NRXN3: variants seen among roughly 807,000 people sequenced by gnomAD.
NRXN3 encodes neurexin 3, also known as neurexin III.
Under a neutral mutation model 137.6 loss-of-function variants are expected in NRXN3, and 32 were observed. That is an observed-to-expected ratio of 0.23 (90% CI 0.18 to 0.31). The LOEUF is 0.31. Ranked by LOEUF, NRXN3 falls within the 10% of genes least tolerant of loss-of-function variation. The pLI is 1.00. For missense variants in NRXN3, 1,574 were observed against 2,062.5 expected (o/e 0.76, Z 4.59); for synonymous variants, 798 against 784.5 (o/e 1.02, Z -0.29).
chr14:78,455,422 A>G (rs1486155233), intron 4 of NRXN3, among the ~76,000 whole-genome samples: 1 of 152,198 alleles, frequency 6.6e-6, no homozygotes, highest in Admixed American at 6.5e-5. Flanking sequence ...TGATCTGTGC[A>G]GGAGGAACCT....
At chr14:78,250,619 A>G (rs142691076) in intron 2 of NRXN3, among the ~76,000 whole-genome samples, 124 of 152,352 alleles carry the variant, frequency 8.1e-4, no homozygotes, top group African/African-American at 2.8e-3. Flanking sequence ...TTCTGGCCTC[A>G]GCAGCCACCC....
chr14:79,533,996 C>T (rs1281169346), intron 16 of NRXN3, among the ~76,000 whole-genome samples: 1 of 152,218 alleles, frequency 6.6e-6, no homozygotes, highest in African/African-American at 2.4e-5. Flanking sequence ...TTTGAATACA[C>T]TTTTTTCTCT....
chr14:79,522,746 T>G (rs1273241035), intron 16 of NRXN3, among the ~76,000 whole-genome samples: 1 of 152,170 alleles, frequency 6.6e-6, no homozygotes, highest in Non-Finnish European at 1.5e-5. Context: ...AGTTTCAAGC[T>G]ACTTTTTGGG....
chr14:79,083,441 G>A (rs2047449489), intron 15 of NRXN3, among the ~76,000 whole-genome samples: 1 of 152,156 alleles, frequency 6.6e-6, no homozygotes, highest in African/African-American at 2.4e-5. Context: ...AAGAAGGAAG[G>A]AAACTTATAT....
intron 15 of NRXN3, among the ~76,000 whole-genome samples, chr14:79,053,516 G>GT (rs1418242011): frequency 6.6e-6 from 1 of 152,120 alleles, no homozygotes; most frequent in African/African-American, 2.4e-5. Flanking sequence ...CAAAAGAAAG[G>GT]TTGTTAGAGC....
At chr14:79,026,034 C>G (rs1439955406) in intron 15 of NRXN3, among the ~76,000 whole-genome samples, 1 of 152,080 alleles carries the variant, frequency 6.6e-6, no homozygotes, top group East Asian at 1.9e-4. Context: ...GTCAGAATTA[C>G]ATAACATGTT....
At chr14:79,131,001 A>G (rs2057383877) in intron 15 of NRXN3, among the ~76,000 whole-genome samples, 2 of 152,104 alleles carry the variant, frequency 1.3e-5, no homozygotes, top group Non-Finnish European at 2.9e-5. Flanking sequence ...TTCTTCACGT[A>G]GTTCTCGAGC....
chr14:78,629,518 G>A (rs928176385), intron 4 of NRXN3, among the ~76,000 whole-genome samples: 5 of 152,202 alleles, frequency 3.3e-5, no homozygotes, highest in Non-Finnish European at 7.3e-5. Flanking sequence ...GGATGCACTG[G>A]AGGCTGCCAT....
chr14:78,173,510 T>A (rs537720960), intron 1 of NRXN3, among the ~76,000 whole-genome samples: 50 of 151,162 alleles, frequency 3.3e-4, no homozygotes, highest in African/African-American at 1.1e-3. Context: ...CTTGTGTCTC[T>A]GTGTGTGTGT....
At position 79,593,630 on chromosome 14, in the gene NRXN3, C is replaced by CAAAA. The variant is rs58254245; in HGVS notation, c.3445-70129_3445-70126dup. On this transcript the variant is annotated intron_variant, in intron 16 of 20. Coordinates refer to ENST00000335750, the MANE Select transcript of NRXN3 (RefSeq NM_001330195.2). Reference sequence around the variant, plus strand: ...TGCACTACGGAGCGAGACTCCGTCTCAAAAAAAAAAAAAAAAAAAAAATTA... The same window carrying CAAAA: ...TGCACTACGGAGCGAGACTCCGTCTCAAAAAAAAAAAAAAAAAAAAAAAAAATTA... Among the ~76,000 whole-genome samples the CAAAA allele has an allele frequency of 5.1e-3, 379 of 74,288 alleles. 3 individuals carry two copies. Among genetic ancestry groups the CAAAA allele is most frequent in the African/African-American group, 9.1e-3 (191 of 21,022 alleles). The allele number at this position is 74,288 out of a possible 152,430, so 48.7% of individuals were successfully genotyped here. A position where few individuals can be genotyped will look rare whatever the true frequency, so the allele number is the denominator to read the frequency against.
intron 15 of NRXN3, among the ~76,000 whole-genome samples, chr14:79,246,383 C>T (rs1206578077): frequency 6.6e-6 from 1 of 152,158 alleles, no homozygotes; most frequent in Non-Finnish European, 1.5e-5. Flanking sequence ...ATACAATACC[C>T]TTAGTGGAAT....
At chr14:78,269,154 T>C (rs4641656) in intron 2 of NRXN3, among the ~76,000 whole-genome samples, 39,235 of 152,178 alleles carry the variant, frequency 0.26, 5,875 homozygotes, top group Non-Finnish European at 0.34. Context: ...AGAGGCTCAG[T>C]TGGCAAAAGT....
At chr14:78,302,078 G>C (rs941172095) in intron 4 of NRXN3, among the ~76,000 whole-genome samples, 1 of 152,118 alleles carries the variant, frequency 6.6e-6, no homozygotes, top group Non-Finnish European at 1.5e-5. Flanking sequence ...GACCTCATAG[G>C]CACAGCCACC....
chr14:79,675,507 C>T (rs1238110931), intron 17 of NRXN3, among the ~76,000 whole-genome samples: 1 of 152,086 alleles, frequency 6.6e-6, no homozygotes, highest in Non-Finnish European at 1.5e-5. Flanking sequence ...TGGAAGCCTA[C>T]AGCTTTTACT....
chr14:79,243,341 A>G (rs1183732384), intron 15 of NRXN3, among the ~76,000 whole-genome samples: 19 of 152,196 alleles, frequency 1.2e-4, no homozygotes. Context: ...GCTCAGCTAG[A>G]TTTGGGAGGA....
At chr14:78,477,949 T>G (rs908695056) in intron 4 of NRXN3, among the ~76,000 whole-genome samples, 1 of 152,038 alleles carries the variant, frequency 6.6e-6, no homozygotes, top group African/African-American at 2.4e-5. Flanking sequence ...GACAGACTCA[T>G]GTACACACAC....
At chr14:79,124,874 A>T (rs1252366797) in intron 15 of NRXN3, among the ~76,000 whole-genome samples, 1 of 150,382 alleles carries the variant, frequency 6.6e-6, no homozygotes, top group Non-Finnish European at 1.5e-5. Flanking sequence ...GACAGATAAA[A>T]TAGCTGTTTT....
At chr14:78,581,194 G>A (rs935088050) in intron 4 of NRXN3, among the ~76,000 whole-genome samples, 2 of 152,214 alleles carry the variant, frequency 1.3e-5, no homozygotes, top group Non-Finnish European at 2.9e-5. Flanking sequence ...ACACTAACTT[G>A]TTGTAACTAG....
intron 15 of NRXN3, among the ~76,000 whole-genome samples, chr14:79,372,844 CTATTTT>C (rs932061576): frequency 1.3e-5 from 2 of 152,110 alleles, no homozygotes; most frequent in African/African-American, 4.8e-5. Flanking sequence ...TGCTTTTTTA[CTATTTT>C]TATTTTTATC....
Sources: gnomAD v4.1 joint callset for allele counts (sites outside exome capture counted in the v4.1 genomes callset) on GRCh38, gnomAD v4.1.1 for gene constraint, MANE v1.5 for transcripts, NCBI Gene and HGNC (gene_info 2026-07-23, HGNC 2026-07-21) for gene names.